CALN1: variants seen among roughly 807,000 people sequenced by gnomAD.
The protein encoded by CALN1 is calcium-binding protein 8.
In CALN1, 17 loss-of-function variants were observed where a neutral mutation model predicts 30.6. The ratio of observed to expected loss-of-function variants is 0.56; its 90% CI spans 0.38 to 0.83. The LOEUF is 0.83. Ranked by LOEUF, CALN1 falls within the 40% of genes least tolerant of loss-of-function variation. The pLI is 0.00. For synonymous variants in CALN1, 156 were observed against 131.4 expected, an observed-to-expected ratio of 1.19 and a Z score of -1.28; for missense variants, 291 against 354.9, an observed-to-expected ratio of 0.82 and a Z score of 1.45.
chr7:72,336,758 CGG>C, intron 2 of CALN1: 2 of 985,252 alleles, frequency 2.0e-6, no homozygotes, highest in African/African-American at 3.5e-5. Flanking sequence ...CCGCACAGCG[CGG>C]GGGGCTTCCT....
At chr7:72,380,716 G>GACAGATAC (rs1804843524) in intron 2 of CALN1, among the ~76,000 whole-genome samples, 1 of 150,622 alleles carries the variant, frequency 6.6e-6, no homozygotes, top group South Asian at 2.1e-4. Context: ...TAGATAGATA[G>GACAGATAC]ATAGATACAT....
chr7:72,311,481 T>TG (rs1367245388), intron 2 of CALN1, among the ~76,000 whole-genome samples: 22 of 151,950 alleles, frequency 1.4e-4, no homozygotes, highest in African/African-American at 5.1e-4. Context: ...TTTTTTCTTT[T>TG]TTGTGTGTGT....
rs1806186232 is a variant in CALN1 at position 72,095,941 on chromosome 7, G to A, written c.388+10210C>T. ...TGTAGTCCCAGCAACTCGGGAAGCTGAGGCAGGCGGATGGCTTGAGCCCAG... is the reference window on the plus strand; with the variant it reads ...TGTAGTCCCAGCAACTCGGGAAGCTAAGGCAGGCGGATGGCTTGAGCCCAG... On this transcript the variant is annotated intron_variant, in intron 4 of 6. Coordinates refer to ENST00000395275, the MANE Select transcript of CALN1 (RefSeq NM_031468.4). 2.0e-5 allele frequency among the ~76,000 whole-genome samples: 3 copies of A among 152,280 alleles called. No homozygotes were observed. The South Asian group carries it at 6.2e-4, about 32-fold the overall frequency.
At chr7:72,142,657 G>C (rs1810038998) in intron 3 of CALN1, among the ~76,000 whole-genome samples, 1 of 152,188 alleles carries the variant, frequency 6.6e-6, no homozygotes, top group Admixed American at 6.5e-5. Flanking sequence ...CTTGAGATCT[G>C]AGAATGAACA....
At chr7:72,090,104 C>A (rs1396436178) in intron 4 of CALN1, among the ~76,000 whole-genome samples, 1 of 152,160 alleles carries the variant, frequency 6.6e-6, no homozygotes, top group Non-Finnish European at 1.5e-5. Flanking sequence ...TCGAGACTAG[C>A]CCGGCCAACA....
intron 5 of CALN1, among the ~76,000 whole-genome samples, chr7:71,815,693 T>A (rs1167966681): frequency 1.3e-5 from 2 of 151,964 alleles, no homozygotes; most frequent in African/African-American, 2.4e-5. Flanking sequence ...TTTTTCCCTC[T>A]CTCTCTCCCT....
At chr7:72,318,951 C>T (rs913677947) in intron 2 of CALN1, among the ~76,000 whole-genome samples, 2 of 151,498 alleles carry the variant, frequency 1.3e-5, no homozygotes, top group Non-Finnish European at 1.5e-5. Flanking sequence ...CAAATGAGCA[C>T]AACCTCTATG....
At chr7:71,939,402 AC>A (rs1369483296) in intron 5 of CALN1, among the ~76,000 whole-genome samples, 6 of 113,644 alleles carry the variant, frequency 5.3e-5, no homozygotes, top group Admixed American at 1.0e-4. Context: ...TACTAAAAAT[AC>A]AAAAAAAAAA....
At chr7:72,351,852 G>A (rs906708588) in intron 2 of CALN1, among the ~76,000 whole-genome samples, 6 of 152,194 alleles carry the variant, frequency 3.9e-5, no homozygotes, top group Non-Finnish European at 8.8e-5. Flanking sequence ...TTAATTTAAA[G>A]AGTGTGAACC....
chr7:71,798,083 GAGAGACAGAGAGAGAGACAGAGAGAGAC>G lies in CALN1; in HGVS notation c.659-10209_659-10182del, dbSNP rs1305858520. On this transcript the variant is annotated intron_variant, in intron 6 of 6. Transcript: ENST00000395275. ...AGACAGAGAGAGAGAGAGAGACAGAGAGAGACAGAGAGAGAGACAGAGAGAGACAGAGACAGAGACAGAGAGAGAGAGA... is the reference window on the plus strand; with the variant it reads ...AGACAGAGAGAGAGAGAGAGACAGAGAGAGACAGAGACAGAGAGAGAGAGA... Among the ~76,000 whole-genome samples, 1,094 of 124,244 alleles carry G rather than the reference GAGAGACAGAGAGAGAGACAGAGAGAGAC, an allele frequency of 8.8e-3. 40 individuals are homozygous for G. The highest frequency in any genetic ancestry group is 0.032 in the African/African-American group (888 of 27,850). 81.5% of individuals were successfully genotyped at this position (124,244 alleles called of 152,430 possible). A position where few individuals can be genotyped will look rare whatever the true frequency, so the allele number is the denominator to read the frequency against.
At chr7:72,061,539 A>T (rs1416325549) in intron 4 of CALN1, among the ~76,000 whole-genome samples, 1 of 151,924 alleles carries the variant, frequency 6.6e-6, no homozygotes, top group Non-Finnish European at 1.5e-5. Flanking sequence ...AAAAACAGTA[A>T]CAGCAAAGAA....
chr7:72,209,226 CTCTT>C (rs200772249), intron 3 of CALN1, among the ~76,000 whole-genome samples: 51 of 37,274 alleles, frequency 1.4e-3, no homozygotes, highest in East Asian at 3.6e-3. Context: ...CCCTCCTTCC[CTCTT>C]TCCTTCCCTC....
intron 3 of CALN1, among the ~76,000 whole-genome samples, chr7:72,170,405 G>A (rs924220729): frequency 6.6e-6 from 1 of 152,110 alleles, no homozygotes; most frequent in Non-Finnish European, 1.5e-5. Flanking sequence ...TTCAGTCTTC[G>A]ATCGTGACAA....
At chr7:71,846,219 T>C (rs1427711369) in intron 5 of CALN1, among the ~76,000 whole-genome samples, 1 of 152,108 alleles carries the variant, frequency 6.6e-6, no homozygotes, top group African/African-American at 2.4e-5. Flanking sequence ...ACACTTCTCA[T>C]TGAATATATA....
chr7:72,374,118 G>A (rs1025787865), intron 2 of CALN1, among the ~76,000 whole-genome samples: 1 of 152,208 alleles, frequency 6.6e-6, no homozygotes, highest in African/African-American at 2.4e-5. Flanking sequence ...ATTGCTAAAC[G>A]AGGTTTTTCA....
intron 2 of CALN1, among the ~76,000 whole-genome samples, chr7:72,304,831 T>C (rs1585421885): frequency 6.6e-6 from 1 of 152,354 alleles, no homozygotes; most frequent in South Asian, 2.1e-4. Flanking sequence ...TGCTGAGTGA[T>C]GAACTTACTG....
chr7:71,978,004 G>A (rs1798185540), intron 5 of CALN1, among the ~76,000 whole-genome samples: 1 of 150,068 alleles, frequency 6.7e-6, no homozygotes, highest in African/African-American at 2.5e-5. Context: ...AGCTCCTGAA[G>A]CAAAAGCAGA....
rs183312131 is a variant in CALN1 at position 72,370,392 on chromosome 7, A to G, written c.119+32859T>C. On this transcript the variant is annotated intron_variant, in intron 2 of 6. Transcript: ENST00000395275. ...CATATGCTTTAGATATAAGTCCTTT[A>G]TAAGACATGTGATTGACTTTGGGAG... Among the ~76,000 whole-genome samples the G allele has an allele frequency of 1.2e-4, 19 of 152,268 alleles. No individual in the cohort carries two copies. In the East Asian group the frequency reaches 3.7e-3, roughly 29 times the overall value.
chr7:72,278,234 T>C (rs1797483217), intron 3 of CALN1, among the ~76,000 whole-genome samples: 1 of 152,036 alleles, frequency 6.6e-6, no homozygotes. Flanking sequence ...ATGATTCTGA[T>C]CTGAACAGGA....
Sources: allele counts gnomAD v4.1 joint callset (sites outside exome capture counted in the v4.1 genomes callset), GRCh38; gene constraint gnomAD v4.1.1; transcripts MANE v1.5; gene names NCBI Gene and HGNC (gene_info 2026-07-23, HGNC 2026-07-21).